Variants in ARHGEF4 observed in about 807,000 individuals in gnomAD.
The protein encoded by ARHGEF4 is Rho guanine nucleotide exchange factor 4, also known as APC-stimulated guanine nucleotide exchange factor 1.
ARHGEF4 carries 119 observed loss-of-function variants against 162.0 expected under a neutral mutation model. The observed-to-expected ratio is 0.73, with a 90% CI of 0.63 to 0.86. The LOEUF is 0.86. ARHGEF4 is among the 40% of genes least tolerant of loss of function. ARHGEF4 has a pLI of 0.00. For synonymous variants in ARHGEF4, 1,014 were observed against 979.9 expected (o/e 1.03, Z -0.65); for missense variants, 2,488 against 2,456.0 (o/e 1.01, Z -0.28).
chr2:130,962,012 G>A (rs1424356102), intron 4 of ARHGEF4, among the ~76,000 whole-genome samples: 3 of 152,038 alleles, frequency 2.0e-5, no homozygotes, highest in African/African-American at 7.2e-5. Flanking sequence ...AGGCCGAGGC[G>A]GGCGGATCAC....
chr2:130,956,005 T>C (rs1323730192), intron 4 of ARHGEF4, among the ~76,000 whole-genome samples: 1 of 152,214 alleles, frequency 6.6e-6, no homozygotes, highest in Admixed American at 6.5e-5. Context: ...GGCAAAATCT[T>C]TGAGCCAGAG....
Position 130,915,626 on chromosome 2 carries a change from C to G in ARHGEF4, c.1680C>G (p.Ser560Arg), listed in dbSNP as rs1681434126. The change falls in exon 2 of 14, where the codon AGC (serine) becomes AGG (arginine). Residue 560 changes from serine (S) to arginine (R), a missense_variant. By Grantham distance (110) the Ser-to-Arg change is moderately radical (BLOSUM62 -1). Transcript: ENST00000409359. Reference sequence around the variant, plus strand: ...CCCCTGAGACCACCCAGAAATCAAGCGCAATAGACACTTCAAAGGCAGCCG... The same window carrying G: ...CCCCTGAGACCACCCAGAAATCAAGGGCAATAGACACTTCAAAGGCAGCCG... ...SDAPETTQKS[S>R]AIDTSKAAEE... 6.4e-7 allele frequency: 1 copy of G among 1,550,462 alleles called. No individual in the cohort carries two copies. The highest frequency in any genetic ancestry group is 8.7e-7 in the Non-Finnish European group (1 of 1,146,966).
intron 1 of ARHGEF4, among the ~76,000 whole-genome samples, chr2:130,899,990 T>C (rs1246861692): frequency 6.6e-6 from 1 of 152,250 alleles, no homozygotes; most frequent in Non-Finnish European, 1.5e-5. Flanking sequence ...CTTTGAACTA[T>C]GGAAAATATG....
intron 4 of ARHGEF4, among the ~76,000 whole-genome samples, chr2:130,976,332 C>CGTGTGTGTGTGTGTGTCT (rs1553434469): frequency 9.4e-6 from 1 of 106,820 alleles, no homozygotes; most frequent in African/African-American, 2.9e-5. Flanking sequence ...GCCCCAGAAT[C>CGTGTGTGTGTGTGTGTCT]GTGTGTGTGT....
intron 2 of ARHGEF4, among the ~76,000 whole-genome samples, chr2:130,924,765 C>T (rs1682126839): frequency 6.6e-6 from 1 of 152,062 alleles, no homozygotes; most frequent in Non-Finnish European, 1.5e-5. Flanking sequence ...ATAGCTGTGG[C>T]TGGGCAAGAG....
intron 4 of ARHGEF4, among the ~76,000 whole-genome samples, chr2:130,971,821 C>A (rs967200044): frequency 6.6e-6 from 1 of 152,196 alleles, no homozygotes; most frequent in Non-Finnish European, 1.5e-5. Flanking sequence ...GAGGCGGCCA[C>A]GCCAAGAGCT....
intron 1 of ARHGEF4, among the ~76,000 whole-genome samples, chr2:130,873,363 T>C (rs1574135366): frequency 6.6e-6 from 1 of 151,746 alleles, no homozygotes; most frequent in African/African-American, 2.4e-5. Flanking sequence ...CCGAGGCGGG[T>C]GGATCACCTG....
In ARHGEF4 at chr2:131,040,372, G is replaced by A. The variant is rs1690707282; in HGVS notation, c.4594G>A (p.Ala1532Thr). 2 of 1,610,662 alleles carry A rather than the reference G, an allele frequency of 1.2e-6. No individual in the cohort carries two copies. The highest frequency in any genetic ancestry group is 1.7e-5 in the Admixed American group (1 of 59,716). The change falls in exon 8 of 14, where the codon GCC (alanine) becomes ACC (threonine). Residue 1532 changes from alanine (A) to threonine (T), a missense_variant. By Grantham distance (58) the Ala-to-Thr change is moderately conservative. Around this residue, in one of 6 missense-constraint regions of ARHGEF4, gnomAD observed 415 missense variants for 512.4 expected, o/e 0.81. Transcript: ENST00000409359. ...CCGCTGCCAGAAGGCCTTCGTGAAGGCCCTGGAGCAGAGGTTCAACCGCGA... is the reference window on the plus strand; with the variant it reads ...CCGCTGCCAGAAGGCCTTCGTGAAGACCCTGGAGCAGAGGTTCAACCGCGA... ...IYRCQKAFVK[A>T]LEQRFNRERP...
At chr2:130,890,491 G>A (rs1679798460) in intron 1 of ARHGEF4, among the ~76,000 whole-genome samples, 1 of 151,818 alleles carries the variant, frequency 6.6e-6, no homozygotes, top group African/African-American at 2.4e-5. Context: ...GAAACCGGGA[G>A]GCTATGGTTG....
intron 1 of ARHGEF4, among the ~76,000 whole-genome samples, chr2:130,859,261 T>G (rs1251459293): frequency 3.6e-4 from 5 of 13,718 alleles, no homozygotes; most frequent in African/African-American, 7.0e-4. Flanking sequence ...CATGATGGCA[T>G]GCACCTGTAA....
chr2:130,878,753 C>T (rs1348338614), intron 1 of ARHGEF4, among the ~76,000 whole-genome samples: 1 of 152,216 alleles, frequency 6.6e-6, no homozygotes, highest in African/African-American at 2.4e-5. Flanking sequence ...TCAGTGCATT[C>T]CAGGAAACAC....
intron 3 of ARHGEF4, among the ~76,000 whole-genome samples, chr2:130,945,017 G>A (rs1683517197): frequency 6.6e-6 from 1 of 152,194 alleles, no homozygotes; most frequent in Non-Finnish European, 1.5e-5. Flanking sequence ...AGTGCCACTT[G>A]GATAATGTGG....
chr2:130,945,728 A>G (rs1483945410), intron 3 of ARHGEF4, among the ~76,000 whole-genome samples: 1 of 152,086 alleles, frequency 6.6e-6, no homozygotes, highest in Non-Finnish European at 1.5e-5. Context: ...TTCCCTCTAG[A>G]GTCCTCAAAC....
chr2:130,876,447 A>G (rs1678849793), intron 1 of ARHGEF4, among the ~76,000 whole-genome samples: 1 of 152,128 alleles, frequency 6.6e-6, no homozygotes, highest in Non-Finnish European at 1.5e-5. Context: ...GCTGGAGTGC[A>G]GTGGCGCGAT....
intron 2 of ARHGEF4, among the ~76,000 whole-genome samples, chr2:130,924,605 T>G (rs1335212485): frequency 6.6e-6 from 1 of 152,194 alleles, no homozygotes; most frequent in East Asian, 1.9e-4. Context: ...TAGAGATTTC[T>G]TTCCTCTGGG....
chr2:130,840,417 AG>A (rs1483324994), intron 1 of ARHGEF4, among the ~76,000 whole-genome samples: 1 of 152,188 alleles, frequency 6.6e-6, no homozygotes, highest in Non-Finnish European at 1.5e-5. Flanking sequence ...TGGCAGGTTA[AG>A]GGGGGATGCA....
chr2:130,901,953 T>C (rs1019925314), intron 1 of ARHGEF4, among the ~76,000 whole-genome samples: 2 of 152,118 alleles, frequency 1.3e-5, no homozygotes, highest in African/African-American at 4.8e-5. Context: ...ACCAGAGTTA[T>C]TCATGCCAGC....
intron 12 of ARHGEF4, 70 bp downstream of exon 12, chr2:131,044,612 G>A: frequency 6.6e-7 from 1 of 1,513,288 alleles, no homozygotes; most frequent in Non-Finnish European, 8.9e-7. Context: ...CTGGCCGCCT[G>A]CCGGTCAGGA....
intron 5 of ARHGEF4, among the ~76,000 whole-genome samples, chr2:131,028,396 A>G (rs969858822): frequency 6.6e-6 from 1 of 152,172 alleles, no homozygotes; most frequent in Admixed American, 6.5e-5. Flanking sequence ...GAGGAGTCCT[A>G]CTTAGTAGAA....
Sources: allele counts gnomAD v4.1 joint callset (sites outside exome capture counted in the v4.1 genomes callset), GRCh38; gene constraint gnomAD v4.1.1; regional missense constraint gnomAD v4.1.1; transcripts MANE v1.5; gene names NCBI Gene and HGNC (gene_info 2026-07-23, HGNC 2026-07-21).